Variants in ULK4 observed in about 807,000 individuals in gnomAD.
ULK4 encodes the protein inactive serine/threonine-protein kinase ULK4.
ULK4 carries 133 observed loss-of-function variants against 160.6 expected under a neutral mutation model. The observed-to-expected ratio is 0.83, with a 90% confidence interval of 0.72 to 0.96. ULK4 has a LOEUF of 0.96. ULK4 is among the 40% of genes least tolerant of loss of function. ULK4 has a pLI of 0.00. For synonymous variants in ULK4, 534 were observed against 539.8 expected (o/e 0.99, Z 0.15); for missense variants, 1,580 against 1,499.5 (o/e 1.05, Z -0.89).
chr3:41,936,633 G>A (rs1699783804), intron 3 of ULK4, among the ~76,000 whole-genome samples: 1 of 152,140 alleles, frequency 6.6e-6, no homozygotes, highest in South Asian at 2.1e-4. Context: ...GGAACTGGAG[G>A]TCATTATGTT....
chr3:41,604,493 AAATG>A (rs1415919177), intron 31 of ULK4, among the ~76,000 whole-genome samples: 1 of 152,148 alleles, frequency 6.6e-6, no homozygotes, highest in African/African-American at 2.4e-5. Flanking sequence ...ACAGAATTAG[AAATG>A]AATGAAAGGA....
intron 2 of ULK4, among the ~76,000 whole-genome samples, chr3:41,943,212 C>CA (rs71288051): frequency 0.32 from 30,800 of 95,116 alleles, 3,780 homozygotes; most frequent in Middle Eastern, 0.4. Context: ...GACTCCATCT[C>CA]AAAAAAAAAA....
intron 29 of ULK4, among the ~76,000 whole-genome samples, chr3:41,669,182 T>G (rs1214881436): frequency 6.6e-6 from 1 of 152,202 alleles, no homozygotes; most frequent in African/African-American, 2.4e-5. Flanking sequence ...GCTGGTAATA[T>G]AAACTGTTCT....
At chr3:41,817,289 A>G (rs1158974065) in intron 19 of ULK4, among the ~76,000 whole-genome samples, 1 of 152,170 alleles carries the variant, frequency 6.6e-6, no homozygotes, top group Non-Finnish European at 1.5e-5. Context: ...GCTAAATAAT[A>G]TTTCATGGTA....
chr3:41,803,774 T>C (rs902077021), intron 19 of ULK4, among the ~76,000 whole-genome samples: 1 of 152,120 alleles, frequency 6.6e-6, no homozygotes, highest in East Asian at 1.9e-4. Flanking sequence ...CTGAGAATGA[T>C]GATTTCCAAT....
chr3:41,469,922 GTAAA>G (rs2083934248), intron 32 of ULK4, among the ~76,000 whole-genome samples: 2 of 140,400 alleles, frequency 1.4e-5, no homozygotes, highest in Non-Finnish European at 3.1e-5. Flanking sequence ...AAATAAATAA[GTAAA>G]TAAATAAGAG....
At chr3:41,672,397 A>G (rs1320508826) in intron 29 of ULK4, among the ~76,000 whole-genome samples, 1 of 152,216 alleles carries the variant, frequency 6.6e-6, no homozygotes, top group African/African-American at 2.4e-5. Flanking sequence ...TGTCATTTGC[A>G]GCAATATGGA....
chr3:41,727,143 C>T (rs762756047), intron 22 of ULK4, among the ~76,000 whole-genome samples: 1 of 152,164 alleles, frequency 6.6e-6, no homozygotes, highest in Non-Finnish European at 1.5e-5. Context: ...TCTGATCGGC[C>T]TTCTATTAAG....
chr3:41,794,660 C>CAAAAAAAAAAAAAAA lies in ULK4; in HGVS notation c.2011-4832_2011-4818dup, dbSNP rs71075484. ...TGGGTGACAGAGCAAGACTCTGTCT[C>CAAAAAAAAAAAAAAA]AAAAAAAAAAAAAAAAAAAAAAAAA... On this transcript the variant is annotated intron_variant, in intron 20 of 36. Coordinates refer to ENST00000301831, the MANE Select transcript of ULK4 (RefSeq NM_017886.4). Among the ~76,000 whole-genome samples the CAAAAAAAAAAAAAAA allele has an allele frequency of 3.3e-3, 63 of 18,976 alleles. 3 individuals are homozygous for CAAAAAAAAAAAAAAA. The highest frequency in any genetic ancestry group is 7.7e-3 in the Admixed American group (6 of 778). The allele number at this position is 18,976 out of a possible 152,430, so 12.4% of individuals were successfully genotyped here.
At chr3:41,861,986 ATT>A (rs1249844255) in intron 17 of ULK4, among the ~76,000 whole-genome samples, 2 of 151,786 alleles carry the variant, frequency 1.3e-5, no homozygotes, top group Non-Finnish European at 2.9e-5. Flanking sequence ...TAATTTTTGT[ATT>A]TTTTGTAGAG....
intron 32 of ULK4, among the ~76,000 whole-genome samples, chr3:41,555,608 T>C (rs1471476553): frequency 2.6e-5 from 4 of 152,180 alleles, no homozygotes; most frequent in African/African-American, 9.7e-5. Context: ...TGGAATACTG[T>C]GGTGATTCCT....
chr3:41,812,426 C>CA (rs1355515705), intron 19 of ULK4, among the ~76,000 whole-genome samples: 3 of 151,358 alleles, frequency 2.0e-5, no homozygotes, highest in Non-Finnish European at 4.4e-5. Context: ...GGAACACACA[C>CA]AAAAATAGGA....
At chr3:41,280,308 C>A (rs1383583457) in intron 35 of ULK4, among the ~76,000 whole-genome samples, 1 of 152,134 alleles carries the variant, frequency 6.6e-6, no homozygotes, top group Non-Finnish European at 1.5e-5. Flanking sequence ...ACCAAGTGGA[C>A]CTAATAGACA....
intron 31 of ULK4, among the ~76,000 whole-genome samples, chr3:41,567,743 G>A (rs1034687043): frequency 1.7e-4 from 26 of 152,058 alleles, no homozygotes; most frequent in Non-Finnish European, 2.6e-4. Context: ...GATTACAGGC[G>A]TGAGCCACCA....
intron 17 of ULK4, among the ~76,000 whole-genome samples, chr3:41,856,288 C>G (rs1049906117): frequency 2.0e-5 from 3 of 151,680 alleles, no homozygotes; most frequent in Admixed American, 6.6e-5. Context: ...CTGTCAGATA[C>G]AAGGGTAAAT....
At chr3:41,872,517 G>A (rs1327494738) in intron 17 of ULK4, among the ~76,000 whole-genome samples, 1 of 152,114 alleles carries the variant, frequency 6.6e-6, no homozygotes, top group African/African-American at 2.4e-5. Context: ...TGCCCTTGGT[G>A]TGAACTTAGC....
chr3:41,792,658 A>C (rs1452280635), intron 20 of ULK4, among the ~76,000 whole-genome samples: 1 of 152,240 alleles, frequency 6.6e-6, no homozygotes, highest in African/African-American at 2.4e-5. Context: ...TCTTCTTCAG[A>C]ATGCTGTGCA....
intron 35 of ULK4, among the ~76,000 whole-genome samples, chr3:41,388,159 G>A (rs539808638): frequency 6.6e-6 from 1 of 152,236 alleles, no homozygotes; most frequent in African/African-American, 2.4e-5. Context: ...TGTTTTGGCT[G>A]CATAAATGTC....
chr3:41,954,780 T>TA lies in ULK4; in HGVS notation c.-22dup. ...TCCATCTCTGGGCCGACTTCTCACA[T>TA]ACAATAGAATAACAGCATCTCTAGC... On this transcript the variant is annotated 5_prime_UTR_variant, in exon 2 of 37. It removes the in-frame stop codon of an upstream open reading frame in the 5' UTR. Transcript: ENST00000301831. 1 of 1,601,136 alleles carries TA rather than the reference T, an allele frequency of 6.2e-7. No homozygotes were observed.
Sources: allele counts gnomAD v4.1 joint callset (sites outside exome capture counted in the v4.1 genomes callset), GRCh38; gene constraint gnomAD v4.1.1; transcripts MANE v1.5; gene names NCBI Gene and HGNC (gene_info 2026-07-23, HGNC 2026-07-21).